HHAT: variants seen among roughly 807,000 people sequenced by gnomAD.
The protein encoded by HHAT is protein-cysteine N-palmitoyltransferase HHAT.
A neutral mutation model predicts 70.8 loss-of-function variants in HHAT; 47 were observed. The observed-to-expected ratio is 0.66, with a 90% CI of 0.53 to 0.85. HHAT has a LOEUF of 0.85. Among genes scored for constraint, HHAT ranks in the 40% least tolerant of loss-of-function variants. The pLI, the probability that HHAT is intolerant of heterozygous loss-of-function variation, is 0.00. For synonymous variants in HHAT, 228 were observed against 247.6 expected (o/e 0.92, Z 0.74); for missense variants, 609 against 604.8 (o/e 1.01, Z -0.07).
intron 3 of HHAT, among the ~76,000 whole-genome samples, chr1:210,373,877 T>C (rs551415682): frequency 6.6e-6 from 1 of 152,348 alleles, no homozygotes; most frequent in African/African-American, 2.4e-5. Context: ...GAGTTTAGGA[T>C]CTTAAAGGCC....
At chr1:210,563,760 A>C (rs2148714692) in intron 9 of HHAT, among the ~76,000 whole-genome samples, 1 of 152,272 alleles carries the variant, frequency 6.6e-6, no homozygotes, top group Admixed American at 6.5e-5. Context: ...CACCATGCCA[A>C]GTTACTTGGG....
At chr1:210,427,734 G>A (rs1008408998) in intron 7 of HHAT, among the ~76,000 whole-genome samples, 1 of 152,126 alleles carries the variant, frequency 6.6e-6, no homozygotes, top group African/African-American at 2.4e-5. Flanking sequence ...ATCAATTTTA[G>A]AGTATGTGCC....
At chr1:210,640,665 G>T (rs1007890501) in intron 11 of HHAT, among the ~76,000 whole-genome samples, 3 of 145,342 alleles carry the variant, frequency 2.1e-5, no homozygotes, top group African/African-American at 7.9e-5. Context: ...CCCGCACTCC[G>T]CCCCCCACTG....
intron 4 of HHAT, among the ~76,000 whole-genome samples, chr1:210,388,369 C>A (rs3765863): frequency 0.62 from 94,901 of 152,008 alleles, 30,304 homozygotes; most frequent in African/African-American, 0.74. Flanking sequence ...GAAACAGAAA[C>A]CTCTGGAGAT....
chr1:210,338,201 G>A (rs369884908), intron 1 of HHAT, among the ~76,000 whole-genome samples: 2 of 151,812 alleles, frequency 1.3e-5, no homozygotes, highest in African/African-American at 4.8e-5. Flanking sequence ...AAAAATGGGT[G>A]TAGTGGCTCT....
rs531772134 is a variant in HHAT at position 210,448,352 on chromosome 1, G to A, written c.857-16153G>A. On this transcript the variant is annotated intron_variant, in intron 7 of 11. Transcript: ENST00000261458. ...ACACCTCAGTTTCCCAAAGTGTTGG[G>A]ATTACAGACGTGAGCCACTGCACCC... Among the ~76,000 whole-genome samples the A allele has an allele frequency of 9.9e-5, 15 of 152,268 alleles. 2 individuals carry two copies. The South Asian group carries it at 3.1e-3, about 32-fold the overall frequency.
intron 11 of HHAT, among the ~76,000 whole-genome samples, chr1:210,666,157 G>C (rs535191699): frequency 5.9e-5 from 9 of 152,318 alleles, no homozygotes; most frequent in African/African-American, 1.9e-4. Context: ...ACAGACTCGG[G>C]AGTGCTGCCC....
At chr1:210,538,512 T>A (rs2095397204) in intron 9 of HHAT, among the ~76,000 whole-genome samples, 1 of 152,074 alleles carries the variant, frequency 6.6e-6, no homozygotes, top group Non-Finnish European at 1.5e-5. Context: ...AATAAAGCAT[T>A]TCTGGAAAAA....
intron 9 of HHAT, among the ~76,000 whole-genome samples, chr1:210,584,029 C>T (rs1463143057): frequency 1.3e-5 from 2 of 148,816 alleles, no homozygotes; most frequent in African/African-American, 2.5e-5. Context: ...CTGCAACCTC[C>T]GCCTCCCAGG....
chr1:210,515,137 T>A (rs973813896), intron 9 of HHAT, among the ~76,000 whole-genome samples: 3 of 152,236 alleles, frequency 2.0e-5, no homozygotes, highest in Non-Finnish European at 4.4e-5. Context: ...TGTGCTGTAT[T>A]CTGTGTTTCC....
At chr1:210,378,776 C>T (rs1312758115) in intron 3 of HHAT, among the ~76,000 whole-genome samples, 1 of 152,158 alleles carries the variant, frequency 6.6e-6, no homozygotes, top group Admixed American at 6.5e-5. Flanking sequence ...AGTTCTTGAG[C>T]ATTCATTGGG....
At chr1:210,336,994 A>G (rs2085559720) in intron 1 of HHAT, among the ~76,000 whole-genome samples, 2 of 152,226 alleles carry the variant, frequency 1.3e-5, no homozygotes, top group South Asian at 4.1e-4. Context: ...GCAATATCAC[A>G]TCAGTAGCTT....
intron 11 of HHAT, among the ~76,000 whole-genome samples, chr1:210,652,363 A>T (rs1360573179): frequency 1.3e-5 from 2 of 152,204 alleles, no homozygotes; most frequent in Admixed American, 6.5e-5. Flanking sequence ...AGAGATTATG[A>T]TGCCAGTAGT....
intron 8 of HHAT, among the ~76,000 whole-genome samples, chr1:210,476,128 A>C (rs568739104): frequency 1.3e-5 from 2 of 152,220 alleles, no homozygotes. Context: ...TGTTAGACCA[A>C]GAAGAAAGGC....
chr1:210,434,628 C>T (rs1050859294), intron 7 of HHAT, among the ~76,000 whole-genome samples: 12 of 151,646 alleles, frequency 7.9e-5, no homozygotes, highest in African/African-American at 2.9e-4. Flanking sequence ...TCAGTGGGCT[C>T]AAGGGAGTGT....
intron 1 of HHAT, among the ~76,000 whole-genome samples, chr1:210,334,112 G>A (rs180780750): frequency 6.6e-6 from 1 of 150,490 alleles, no homozygotes; most frequent in East Asian, 2.0e-4. Context: ...GGGGATCCTG[G>A]GTTACATACA....
intron 3 of HHAT, among the ~76,000 whole-genome samples, chr1:210,365,382 T>C (rs1004811448): frequency 3.5e-5 from 5 of 141,624 alleles, no homozygotes; most frequent in Admixed American, 3.2e-4. Context: ...AGTGGTGTGA[T>C]CTTGGCTCAC....
chr1:210,452,472 C>T (rs2093775022), intron 7 of HHAT, among the ~76,000 whole-genome samples: 1 of 152,192 alleles, frequency 6.6e-6, no homozygotes, highest in Admixed American at 6.5e-5. Flanking sequence ...ATTATCAACT[C>T]CTGGCCAGTT....
At chr1:210,410,861 A>AG (rs767176852) in intron 6 of HHAT, among the ~76,000 whole-genome samples, 1 of 152,156 alleles carries the variant, frequency 6.6e-6, no homozygotes, top group Non-Finnish European at 1.5e-5. Context: ...TGTTGCTTGG[A>AG]GCAGGGAGGC....
Sources: allele counts gnomAD v4.1 joint callset (sites outside exome capture counted in the v4.1 genomes callset), GRCh38; gene constraint gnomAD v4.1.1; transcripts MANE v1.5; gene names NCBI Gene and HGNC (gene_info 2026-07-23, HGNC 2026-07-21).